The following RNF152 variants were observed in gnomAD, a reference collection of about 807,000 sequenced individuals.
The protein encoded by RNF152 is ring finger protein 152, also known as E3 ubiquitin-protein ligase RNF152.
RNF152 carries 11 observed loss-of-function variants against 12.7 expected under a neutral mutation model. The observed-to-expected ratio is 0.86, with a 90% CI of 0.54 to 1.43. RNF152 has a LOEUF of 1.43. RNF152 is among the 40% of genes most tolerant of loss of function. The pLI is 0.00. For synonymous variants in RNF152, 113 were observed against 120.3 expected, an observed-to-expected ratio of 0.94 and a Z score of 0.40; for missense variants, 255 against 274.8, an observed-to-expected ratio of 0.93 and a Z score of 0.51.
chr18:61,887,006 G>C (rs927232080), intron 1 of RNF152, among the ~76,000 whole-genome samples: 9 of 152,220 alleles, frequency 5.9e-5, no homozygotes, highest in Admixed American at 2.0e-4. Flanking sequence ...GCAGAGGAAG[G>C]AAGAGGACAT....
intron 1 of RNF152, among the ~76,000 whole-genome samples, chr18:61,833,691 G>C (rs987297990): frequency 2.6e-5 from 4 of 152,128 alleles, no homozygotes. Context: ...GGGCCAAAGG[G>C]ACTATGCATT....
chr18:61,808,628 C>T lies in RNF152; in HGVS notation c.*7224G>A, dbSNP rs1912808227. ...TGTAACAGCCCCAAGCTGAAACCAG[C>T]TTCTACACCCATGACTGTTGAGTGA... On this transcript the variant is annotated 3_prime_UTR_variant, in exon 2 of 2. Transcript: ENST00000312828. The T allele has an allele frequency of 6.6e-6, 1 of 152,124 alleles. No homozygotes were observed. The allele number at this position is 152,124 out of a possible 1,614,324, so 9.4% of individuals were successfully genotyped here.
rs964758831 is a variant in RNF152, at chr18:61,823,124, G to A, written c.-135-6526C>T. Among the ~76,000 whole-genome samples the A allele has an allele frequency of 5.3e-5, 8 of 152,210 alleles. No individual in the cohort carries two copies. The East Asian group carries it at 9.6e-4, about 18-fold the overall frequency. ...CAGGACACAACTGCTGCATACATGC[G>A]TAGTCCAATTGACGTAACTACAGTC... On this transcript the variant is annotated intron_variant, in intron 1 of 1. Coordinates refer to ENST00000312828, the MANE Select transcript of RNF152 (RefSeq NM_173557.3).
chr18:61,853,153 C>T (rs910187283), intron 1 of RNF152, among the ~76,000 whole-genome samples: 2 of 152,216 alleles, frequency 1.3e-5, no homozygotes, highest in Non-Finnish European at 1.5e-5. Context: ...TTACCACAAA[C>T]TTAGCAGCTT....
chr18:61,869,942 G>A (rs1911909914), intron 1 of RNF152, among the ~76,000 whole-genome samples: 1 of 152,168 alleles, frequency 6.6e-6, no homozygotes, highest in African/African-American at 2.4e-5. Context: ...AGTGTCACTA[G>A]GATTTGCTAG....
At chr18:61,847,340 C>G (rs1190548731) in intron 1 of RNF152, among the ~76,000 whole-genome samples, 3 of 152,140 alleles carry the variant, frequency 2.0e-5, no homozygotes, top group Non-Finnish European at 4.4e-5. Flanking sequence ...CGACTTGAAA[C>G]TTTCATTGCA....
intron 1 of RNF152, among the ~76,000 whole-genome samples, chr18:61,817,650 TAGAG>T (rs1909175986): frequency 6.6e-6 from 1 of 151,346 alleles, no homozygotes; most frequent in South Asian, 2.1e-4. Flanking sequence ...TGCCCTCAGA[TAGAG>T]AGATGACTGA....
chr18:61,841,452 A>T (rs1450632875), intron 1 of RNF152, among the ~76,000 whole-genome samples: 2 of 152,376 alleles, frequency 1.3e-5, no homozygotes, highest in Non-Finnish European at 2.9e-5. Flanking sequence ...TTATTTAAGA[A>T]TAATGAATAA....
intron 1 of RNF152, among the ~76,000 whole-genome samples, chr18:61,855,051 G>T (rs1911157805): frequency 6.6e-6 from 1 of 152,202 alleles, no homozygotes; most frequent in Non-Finnish European, 1.5e-5. Context: ...AATGGTGGTG[G>T]GGAGAGGGAA....
chr18:61,820,970 T>C, intron 1 of RNF152, among the ~76,000 whole-genome samples: 1 of 152,270 alleles, frequency 6.6e-6, no homozygotes, highest in African/African-American at 2.4e-5. Context: ...AGTGAGCTCA[T>C]GGGATCCACA....
chr18:61,843,343 C>T (rs982665819), intron 1 of RNF152, among the ~76,000 whole-genome samples: 3 of 152,182 alleles, frequency 2.0e-5, no homozygotes, highest in Non-Finnish European at 2.9e-5. Flanking sequence ...GGATTGTTGG[C>T]TATTGTTTAA....
intron 1 of RNF152, among the ~76,000 whole-genome samples, chr18:61,849,881 T>C (rs113974330): frequency 1.1e-3 from 174 of 152,306 alleles, no homozygotes; most frequent in African/African-American, 3.9e-3. Flanking sequence ...TCAAATGAGT[T>C]TGAGGAGCAC....
intron 1 of RNF152, among the ~76,000 whole-genome samples, chr18:61,830,528 AAG>A (rs1394750241): frequency 6.6e-6 from 1 of 152,188 alleles, no homozygotes; most frequent in East Asian, 1.9e-4. Flanking sequence ...TTATTTCACT[AAG>A]CATGTCTTCA....
In RNF152 at chr18:61,814,459, T is replaced by G. The variant is rs1381899687; in HGVS notation, c.*1393A>C. On this transcript the variant is annotated 3_prime_UTR_variant, in exon 2 of 2. Coordinates refer to ENST00000312828, the MANE Select transcript of RNF152 (RefSeq NM_173557.3). Reference sequence around the variant, plus strand: ...TGTAAAGCTCACAGCTATTTCTGAATGCACATGCACCCAGGGATAGGAATT... The same window carrying G: ...TGTAAAGCTCACAGCTATTTCTGAAGGCACATGCACCCAGGGATAGGAATT... 1.3e-5 allele frequency: 2 copies of G among 152,254 alleles called. No homozygotes were observed. Among genetic ancestry groups the G allele is most frequent in the African/African-American group, 4.8e-5 (2 of 41,468 alleles). The allele number at this position is 152,254 out of a possible 1,614,324, so 9.4% of individuals were successfully genotyped here.
intron 1 of RNF152, among the ~76,000 whole-genome samples, chr18:61,818,707 C>A (rs576155620): frequency 2.7e-4 from 41 of 152,154 alleles, no homozygotes; most frequent in Non-Finnish European, 5.4e-4. Flanking sequence ...ATAAATCAGA[C>A]CCAGATTCTA....
At chr18:61,892,236 C>T (rs1203948189) in intron 1 of RNF152, among the ~76,000 whole-genome samples, 1 of 152,138 alleles carries the variant, frequency 6.6e-6, no homozygotes, top group African/African-American at 2.4e-5. Flanking sequence ...TTTCTGCTGC[C>T]CCCAACAGCC....
chr18:61,818,598 A>G (rs1027741458), intron 1 of RNF152, among the ~76,000 whole-genome samples: 8 of 152,220 alleles, frequency 5.3e-5, no homozygotes, highest in African/African-American at 1.9e-4. Flanking sequence ...AGCATTCAGG[A>G]AGTTCATATC....
chr18:61,835,491 T>A (rs1910138772), intron 1 of RNF152, among the ~76,000 whole-genome samples: 1 of 152,162 alleles, frequency 6.6e-6, no homozygotes, highest in Admixed American at 6.5e-5. Flanking sequence ...AGGGAAAGGT[T>A]CATGAATAAG....
At position 61,856,293 on chromosome 18, in the gene RNF152, G is replaced by A. The variant is rs138601442; in HGVS notation, c.-136+36502C>T. 3.1e-3 allele frequency among the ~76,000 whole-genome samples: 475 copies of A among 152,232 alleles called. 8 individuals carry two copies. Among genetic ancestry groups the A allele is most frequent in the Admixed American group, 0.026 (390 of 15,284 alleles). On this transcript the variant is annotated intron_variant, in intron 1 of 1. Transcript: ENST00000312828. ...ACAAACATAAGCTGGAAAATGACACGGGGAAATACACGATGGGTTCCTGTC... is the reference window on the plus strand; with the variant it reads ...ACAAACATAAGCTGGAAAATGACACAGGGAAATACACGATGGGTTCCTGTC...
Sources: allele counts gnomAD v4.1 joint callset (sites outside exome capture counted in the v4.1 genomes callset), GRCh38; gene constraint gnomAD v4.1.1; transcripts MANE v1.5; gene names NCBI Gene and HGNC (gene_info 2026-07-23, HGNC 2026-07-21).